The following TENM3 variants were observed in gnomAD, a reference collection of about 807,000 sequenced individuals.
TENM3 encodes the protein teneurin-3.
Under a neutral mutation model 255.1 loss-of-function variants are expected in TENM3, and 63 were observed. That is an observed-to-expected ratio of 0.25 (90% CI 0.20 to 0.30). TENM3 has a LOEUF of 0.30. TENM3 is among the 10% of genes least tolerant of loss of function. The pLI is 1.00. For synonymous variants in TENM3, 1,306 were observed against 1,322.3 expected, an observed-to-expected ratio of 0.99 and a Z score of 0.27; for missense variants, 2,929 against 3,461.1, an observed-to-expected ratio of 0.85 and a Z score of 3.86.
At chr4:181,939,678 T>C in the TENM3 span, among the ~76,000 whole-genome samples, 2 of 152,232 alleles carry the variant, frequency 1.3e-5, no homozygotes, top group Non-Finnish European at 2.9e-5. Flanking sequence ...AATGTGTCTA[T>C]TGTTGGACAG....
At chr4:181,520,990 C>G in the TENM3 span, among the ~76,000 whole-genome samples, 2 of 152,214 alleles carry the variant, frequency 1.3e-5, no homozygotes, top group African/African-American at 2.4e-5. Context: ...TCCCAGAGGG[C>G]ATGCCACATG....
At chr4:182,128,735 C>T in the TENM3 span, among the ~76,000 whole-genome samples, 1 of 152,138 alleles carries the variant, frequency 6.6e-6, no homozygotes, top group Non-Finnish European at 1.5e-5. Context: ...TGAATATTTT[C>T]TCCTAAATTT....
chr4:181,708,758 G>T, the TENM3 span, among the ~76,000 whole-genome samples: 369 of 152,242 alleles, frequency 2.4e-3, 1 homozygote, highest in Middle Eastern at 0.014. Context: ...ATGTTTTAAA[G>T]CTCCCAGGTG....
the TENM3 span, among the ~76,000 whole-genome samples, chr4:181,528,793 C>T: frequency 6.6e-6 from 1 of 152,150 alleles, no homozygotes; most frequent in Non-Finnish European, 1.5e-5. Flanking sequence ...TGTGCATACA[C>T]GCTGCTCAGG....
chr4:182,560,825 T>A (rs1743084818), intron 3 of TENM3, among the ~76,000 whole-genome samples: 1 of 152,000 alleles, frequency 6.6e-6, no homozygotes, highest in African/African-American at 2.4e-5. Flanking sequence ...AATAACAATA[T>A]AATGAACAGT....
chr4:181,570,975 A>G, the TENM3 span, among the ~76,000 whole-genome samples: 1 of 151,618 alleles, frequency 6.6e-6, no homozygotes, highest in Non-Finnish European at 1.5e-5. Flanking sequence ...GTCCAGGCTG[A>G]TGGGAGACAC....
chr4:181,787,205 TA>T, the TENM3 span, among the ~76,000 whole-genome samples: 3 of 152,148 alleles, frequency 2.0e-5, no homozygotes, highest in South Asian at 4.1e-4. Flanking sequence ...GCATCAATCT[TA>T]AAATAGAGAT....
At chr4:181,544,622 C>T in the TENM3 span, among the ~76,000 whole-genome samples, 6 of 152,156 alleles carry the variant, frequency 3.9e-5, no homozygotes, top group African/African-American at 9.6e-5. Flanking sequence ...GTTCTAGCAA[C>T]GCATTAGCAA....
In TENM3 at chr4:182,773,599, A is replaced by G. The variant is rs1367224403; in HGVS notation, c.5020A>G (p.Ile1674Val). 2 of 1,613,830 alleles carry G rather than the reference A, an allele frequency of 1.2e-6. No homozygotes were observed. The highest frequency in any genetic ancestry group is 3.3e-5 in the Admixed American group (2 of 60,006). The stretch of plus-strand genomic sequence containing the variant: ...ATCTAGCCGAGAAGAAGATGTCAGC[A>G]TCACTTCAAATCTGTCCTCGATCGA... ...ESSSREEDVS[I>V]TSNLSSIDSF... is the part of the protein sequence containing the mutation. The change falls in exon 23 of 28, where the codon ATC becomes GTC. Residue 1674 changes from isoleucine (I) to valine (V), a missense_variant. Transcript: ENST00000511685.
At chr4:181,832,779 G>A in the TENM3 span, among the ~76,000 whole-genome samples, 5 of 152,202 alleles carry the variant, frequency 3.3e-5, no homozygotes, top group Non-Finnish European at 1.5e-5. Flanking sequence ...GCTGGTCGAG[G>A]ATTAGCAGGA....
the TENM3 span, among the ~76,000 whole-genome samples, chr4:181,697,345 C>T: frequency 1.3e-5 from 2 of 152,172 alleles, no homozygotes; most frequent in Admixed American, 6.5e-5. Context: ...GCAGGAAGTG[C>T]ATCAAAGTGT....
At chr4:182,767,706 C>T (rs935693455) in intron 22 of TENM3, among the ~76,000 whole-genome samples, 1 of 152,156 alleles carries the variant, frequency 6.6e-6, no homozygotes, top group Non-Finnish European at 1.5e-5. Context: ...TTAAGTCCTT[C>T]ATGTGAGTTC....
chr4:181,825,400 CAAAAAAAAAAAAAAAAAAAAA>C, the TENM3 span, among the ~76,000 whole-genome samples: 19 of 70,424 alleles, frequency 2.7e-4, no homozygotes, highest in Non-Finnish European at 3.9e-4. Flanking sequence ...GACTCCATCT[CAAAAAAAAAAAAAAAAAAAAA>C]AAAAACAGAG....
At chr4:182,120,164 G>T in the TENM3 span, among the ~76,000 whole-genome samples, 1 of 151,004 alleles carries the variant, frequency 6.6e-6, no homozygotes, top group Non-Finnish European at 1.5e-5. Context: ...TTGAAGAGAG[G>T]TTCAGGCACT....
At chr4:182,463,367 G>C (rs1260200491) in intron 3 of TENM3, among the ~76,000 whole-genome samples, 1 of 152,068 alleles carries the variant, frequency 6.6e-6, no homozygotes, top group Non-Finnish European at 1.5e-5. Context: ...GATGGCCACT[G>C]TCATTTATTG....
At chr4:182,243,248 G>A (rs985224756), upstream of TENM3, among the ~76,000 whole-genome samples, 4 of 152,184 alleles carry the variant, frequency 2.6e-5, no homozygotes, top group Non-Finnish European at 2.9e-5. Context: ...CTGAGTAGCT[G>A]GGATTACAGG....
chr4:182,395,511 A>G (rs1768747487), intron 3 of TENM3, among the ~76,000 whole-genome samples: 2 of 152,174 alleles, frequency 1.3e-5, no homozygotes, highest in South Asian at 4.1e-4. Flanking sequence ...AGAATATTCA[A>G]TGCTGAGATA....
the TENM3 span, among the ~76,000 whole-genome samples, chr4:181,646,718 G>A: frequency 6.6e-6 from 1 of 152,148 alleles, no homozygotes; most frequent in African/African-American, 2.4e-5. Flanking sequence ...ACCGAGGCGC[G>A]TCTGACTCTG....
rs1291318159 is a variant in TENM3, at chr4:182,477,383, C to A, written c.512-123541C>A. ...ATCAGCGTTCCACCTTCATTGAGAC[C>A]CTGCAAGACCCTGGCAGCCTTGGCT... is the stretch of plus-strand genomic sequence containing the variant. On this transcript the variant is annotated intron_variant, in intron 3 of 27. Coordinates refer to ENST00000511685, the MANE Select transcript of TENM3 (RefSeq NM_001080477.4). Among the ~76,000 whole-genome samples the A allele has an allele frequency of 2.0e-5, 3 of 152,088 alleles. No individual in the cohort carries two copies. In the East Asian group the frequency reaches 5.8e-4, roughly 29 times the overall value.
Sources: gnomAD v4.1 joint callset for allele counts (sites outside exome capture counted in the v4.1 genomes callset) on GRCh38, gnomAD v4.1.1 for gene constraint, MANE v1.5 for transcripts, NCBI Gene and HGNC (gene_info 2026-07-23, HGNC 2026-07-21) for gene names.